The following NOX4 variants were observed in gnomAD, a reference collection of about 807,000 sequenced individuals.
NOX4 encodes the protein kidney oxidase-1.
Under a neutral mutation model 87.6 loss-of-function variants are expected in NOX4, and 69 were observed. The ratio of observed to expected loss-of-function variants is 0.79; its 90% CI spans 0.65 to 0.96. The LOEUF (loss-of-function observed/expected upper bound fraction) is 0.96, where lower values mean the gene tolerates loss of function less well. Among genes scored for constraint, NOX4 ranks in the 40% least tolerant of loss-of-function variants. The pLI is 0.00. For synonymous variants in NOX4, 275 were observed against 238.2 expected, an observed-to-expected ratio of 1.15 and a Z score of -1.42; for missense variants, 680 against 681.5, an observed-to-expected ratio of 1.00 and a Z score of 0.02.
the NOX4 span, among the ~76,000 whole-genome samples, chr11:89,561,015 T>TATATATATTATATATATATATATATATAC: frequency 1.4e-4 from 11 of 80,500 alleles, no homozygotes; most frequent in African/African-American, 6.7e-4. Flanking sequence ...TATATATATA[T>TATATATATTATATATATATATATATATAC]ATATACATAC....
chr11:89,398,981 C>A (rs1165099863), intron 11 of NOX4, among the ~76,000 whole-genome samples: 1 of 151,744 alleles, frequency 6.6e-6, no homozygotes, highest in African/African-American at 2.4e-5. Flanking sequence ...TATGCAGAAG[C>A]ATATGGGAAA....
At chr11:89,391,348 A>T (rs1039055110) in intron 11 of NOX4, among the ~76,000 whole-genome samples, 10 of 152,208 alleles carry the variant, frequency 6.6e-5, no homozygotes, top group African/African-American at 2.4e-4. Flanking sequence ...TTCCCAGACA[A>T]AGAGAATGGG....
At chr11:89,344,834 C>G (rs1946146688) in intron 13 of NOX4, among the ~76,000 whole-genome samples, 1 of 152,076 alleles carries the variant, frequency 6.6e-6, no homozygotes, top group Non-Finnish European at 1.5e-5. Context: ...GAGTCTAACT[C>G]CAAAGCTTAG....
At chr11:89,476,217 T>C (rs1946161270) in intron 2 of NOX4, among the ~76,000 whole-genome samples, 1 of 152,146 alleles carries the variant, frequency 6.6e-6, no homozygotes, top group Non-Finnish European at 1.5e-5. Context: ...CTTTTAATGT[T>C]CTCTTTTATA....
upstream of NOX4, among the ~76,000 whole-genome samples, chr11:89,494,083 G>A (rs915360278): frequency 2.6e-5 from 4 of 152,130 alleles, no homozygotes; most frequent in South Asian, 6.2e-4. Flanking sequence ...CATAGTTGCT[G>A]TATTTCCCAA....
the NOX4 span, among the ~76,000 whole-genome samples, chr11:89,586,143 AT>A: frequency 2.0e-5 from 3 of 151,910 alleles, no homozygotes; most frequent in Non-Finnish European, 4.4e-5. Context: ...TATTCCAGTT[AT>A]TCTCATTCCT....
At chr11:89,333,858 T>C (rs2135369591) in intron 17 of NOX4, among the ~76,000 whole-genome samples, 1 of 151,874 alleles carries the variant, frequency 6.6e-6, no homozygotes, top group African/African-American at 2.4e-5. Context: ...TGAGAACCAA[T>C]ACACAAAGTC....
At chr11:89,555,573 C>T in the NOX4 span, among the ~76,000 whole-genome samples, 8 of 151,956 alleles carry the variant, frequency 5.3e-5, no homozygotes, top group Admixed American at 2.0e-4. Flanking sequence ...ACTTCATAAA[C>T]GAAATGATAC....
chr11:89,396,257 T>G (rs1941475769), intron 11 of NOX4, among the ~76,000 whole-genome samples: 1 of 152,168 alleles, frequency 6.6e-6, no homozygotes, highest in South Asian at 2.1e-4. Flanking sequence ...TTTTATTCTC[T>G]TTGAAGCAAT....
At chr11:89,380,358 A>C (rs537643684) in intron 11 of NOX4, among the ~76,000 whole-genome samples, 1 of 152,316 alleles carries the variant, frequency 6.6e-6, no homozygotes, top group South Asian at 2.1e-4. Flanking sequence ...AACCCATTGA[A>C]GAGTGAGAAC....
chr11:89,569,826 AC>A, the NOX4 span, among the ~76,000 whole-genome samples: 1 of 150,960 alleles, frequency 6.6e-6, no homozygotes, highest in African/African-American at 2.4e-5. Context: ...ACATGGTGAA[AC>A]CCGCCTCTAT....
chr11:89,512,257 TC>T, the NOX4 span, among the ~76,000 whole-genome samples: 1 of 152,170 alleles, frequency 6.6e-6, no homozygotes, highest in African/African-American at 2.4e-5. Context: ...TGTGTCCTTT[TC>T]CTTTTCCTTT....
chr11:89,524,560 GA>G, the NOX4 span, among the ~76,000 whole-genome samples: 3 of 151,874 alleles, frequency 2.0e-5, no homozygotes, highest in Non-Finnish European at 4.4e-5. Flanking sequence ...TTATCATATT[GA>G]GGTTCACATA....
intron 6 of NOX4, among the ~76,000 whole-genome samples, chr11:89,438,792 GTATAA>G (rs1210685734): frequency 6.4e-4 from 6 of 9,444 alleles, no homozygotes; most frequent in Non-Finnish European, 1.7e-3. Flanking sequence ...AATATATAGT[GTATAA>G]TATATTATAT....
At chr11:89,477,884 T>C (rs1159741641) in intron 2 of NOX4, among the ~76,000 whole-genome samples, 2 of 152,108 alleles carry the variant, frequency 1.3e-5, no homozygotes, top group African/African-American at 4.8e-5. Context: ...ACTAAGAAAA[T>C]AATATATACT....
At chr11:89,586,370 C>T in the NOX4 span, among the ~76,000 whole-genome samples, 1 of 152,180 alleles carries the variant, frequency 6.6e-6, no homozygotes, top group Non-Finnish European at 1.5e-5. Context: ...GTTCTCACAA[C>T]AACTCTGTGA....
chr11:89,469,401 G>A (rs11018625), intron 2 of NOX4, among the ~76,000 whole-genome samples: 16,965 of 152,022 alleles, frequency 0.11, 1,147 homozygotes, highest in South Asian at 0.2. Context: ...ATTCTGATTT[G>A]GCATTGGTGT....
At chr11:89,351,611 A>G (rs1221951627) in intron 13 of NOX4, among the ~76,000 whole-genome samples, 1 of 152,350 alleles carries the variant, frequency 6.6e-6, no homozygotes, top group East Asian at 1.9e-4. Context: ...GTTGAAGCCA[A>G]TGCTCATTTA....
intron 2 of NOX4, among the ~76,000 whole-genome samples, chr11:89,455,763 C>A (rs1945171985): frequency 1.4e-5 from 2 of 147,254 alleles, no homozygotes; most frequent in South Asian, 4.2e-4. Flanking sequence ...AAAGCAGGCA[C>A]TTCAAGAAAA....
Sources: allele counts gnomAD v4.1 joint callset (sites outside exome capture counted in the v4.1 genomes callset), GRCh38; gene constraint gnomAD v4.1.1; transcripts MANE v1.5; gene names NCBI Gene and HGNC (gene_info 2026-07-23, HGNC 2026-07-21).